The following EPHA3 variants were observed in gnomAD, a reference collection of about 807,000 sequenced individuals.
EPHA3 encodes the protein ephrin type-A receptor 3.
EPHA3 carries 42 observed loss-of-function variants against 107.1 expected under a neutral mutation model. That is an observed-to-expected ratio of 0.39 (90% CI 0.31 to 0.51). The LOEUF is 0.51. Ranked by LOEUF, EPHA3 falls within the 20% of genes least tolerant of loss-of-function variation. The probability of loss-of-function intolerance (pLI) is 0.78; values close to 1 mark genes in which losing one functional copy is unlikely to be tolerated. For synonymous variants in EPHA3, 461 were observed against 424.8 expected, an observed-to-expected ratio of 1.09 and a Z score of -1.05; for missense variants, 1,183 against 1,211.2, an observed-to-expected ratio of 0.98 and a Z score of 0.35.
chr3:89,114,414 C>A (rs960296243), intron 1 of EPHA3, among the ~76,000 whole-genome samples: 3 of 152,136 alleles, frequency 2.0e-5, no homozygotes, highest in Non-Finnish European at 2.9e-5. Flanking sequence ...GGGAAAACAA[C>A]GGTGTCTCTC....
At chr3:89,296,081 T>C (rs532861726) in intron 3 of EPHA3, among the ~76,000 whole-genome samples, 1 of 152,316 alleles carries the variant, frequency 6.6e-6, no homozygotes, top group African/African-American at 2.4e-5. Context: ...TTCCACAACA[T>C]AGGCAGTTAG....
At chr3:89,194,530 C>A (rs1705790871) in intron 2 of EPHA3, among the ~76,000 whole-genome samples, 1 of 152,034 alleles carries the variant, frequency 6.6e-6, no homozygotes, top group Non-Finnish European at 1.5e-5. Context: ...AAAGAAAGTT[C>A]TCCAATCTCC....
Position 89,107,765 on chromosome 3 carries a change from C to T in EPHA3, c.17C>T (p.Ser6Phe), listed in dbSNP as rs764355602. 1.9e-6 allele frequency: 3 copies of T among 1,614,182 alleles called. No individual in the cohort carries two copies. The highest frequency in any genetic ancestry group is 2.5e-6 in the Non-Finnish European group (3 of 1,180,022). MDCQL[S>F]ILLLLSCSVL... The stretch of plus-strand genomic sequence containing the variant: ...ACCAGCAACATGGATTGTCAGCTCT[C>T]CATCCTCCTCCTTCTCAGCTGCTCT... Residue 6 changes from serine (S) to phenylalanine (F), a missense_variant, in exon 1 of 17, where the codon TCC becomes TTC. Coordinates refer to ENST00000336596, the MANE Select transcript of EPHA3 (RefSeq NM_005233.6).
At chr3:89,335,884 C>T (rs1009357044) in intron 3 of EPHA3, among the ~76,000 whole-genome samples, 6 of 152,258 alleles carry the variant, frequency 3.9e-5, no homozygotes, top group Non-Finnish European at 7.4e-5. Context: ...TACTGGATTA[C>T]CTGAGGGAAG....
At chr3:89,439,009 G>A (rs139306307) in intron 13 of EPHA3, among the ~76,000 whole-genome samples, 114 of 152,248 alleles carry the variant, frequency 7.5e-4, no homozygotes, top group Non-Finnish European at 1.4e-3. Flanking sequence ...GAACACAGGA[G>A]CACACAAGTA....
At chr3:89,326,901 A>C (rs1295647085) in intron 3 of EPHA3, among the ~76,000 whole-genome samples, 1 of 152,052 alleles carries the variant, frequency 6.6e-6, no homozygotes, top group Non-Finnish European at 1.5e-5. Flanking sequence ...ATTTAAAGGG[A>C]AATTAGACCT....
At chr3:89,389,020 A>G (rs889793750) in intron 5 of EPHA3, among the ~76,000 whole-genome samples, 2 of 152,220 alleles carry the variant, frequency 1.3e-5, no homozygotes, top group Non-Finnish European at 2.9e-5. Context: ...CTGGAAAAGT[A>G]GAAAAGTGAT....
chr3:89,389,120 C>T (rs994733784), intron 5 of EPHA3, among the ~76,000 whole-genome samples: 10 of 152,082 alleles, frequency 6.6e-5, no homozygotes, highest in African/African-American at 2.4e-4. Context: ...ACTGGATACA[C>T]TGCAAATTGA....
At chr3:89,222,326 C>CATATAT (rs34438291) in intron 3 of EPHA3, among the ~76,000 whole-genome samples, 98 of 138,524 alleles carry the variant, frequency 7.1e-4, no homozygotes, top group Middle Eastern at 3.9e-3. Context: ...AATACATATA[C>CATATAT]ATATATATAT....
At chr3:89,244,024 T>A (rs1285046806) in intron 3 of EPHA3, among the ~76,000 whole-genome samples, 1 of 152,176 alleles carries the variant, frequency 6.6e-6, no homozygotes, top group Non-Finnish European at 1.5e-5. Context: ...TATTTATAAT[T>A]TACAAATATG....
intron 1 of EPHA3, among the ~76,000 whole-genome samples, chr3:89,121,253 A>C (rs1707376692): frequency 6.6e-6 from 1 of 151,906 alleles, no homozygotes; most frequent in East Asian, 1.9e-4. Flanking sequence ...TAAATAAATA[A>C]ATAAATAAAA....
chr3:89,146,765 T>A (rs1234308921), intron 2 of EPHA3, among the ~76,000 whole-genome samples: 1 of 152,044 alleles, frequency 6.6e-6, no homozygotes, highest in African/African-American at 2.4e-5. Flanking sequence ...CTAGGGTTTT[T>A]ATAGTTTTAG....
chr3:89,161,245 C>T lies in EPHA3; in HGVS notation c.153+33972C>T, dbSNP rs182119627. Among the ~76,000 whole-genome samples the T allele has an allele frequency of 4.3e-3, 656 of 152,266 alleles. 2 individuals carry two copies. The highest frequency in any genetic ancestry group is 6.9e-3 in the Non-Finnish European group (470 of 68,014). ...AAGGAAAATGTTTGAATGGGTAACA[C>T]ATTCACATGGTTACAATTTCAAAAA... On this transcript the variant is annotated intron_variant, in intron 2 of 16. Transcript: ENST00000336596.
At chr3:89,157,473 G>A (rs920462786) in intron 2 of EPHA3, among the ~76,000 whole-genome samples, 2 of 151,924 alleles carry the variant, frequency 1.3e-5, no homozygotes, top group Admixed American at 1.3e-4. Flanking sequence ...GATGAAAAAC[G>A]AAGAGGAACA....
intron 5 of EPHA3, among the ~76,000 whole-genome samples, chr3:89,393,725 T>C (rs1159118391): frequency 6.6e-6 from 1 of 152,198 alleles, no homozygotes; most frequent in African/African-American, 2.4e-5. Flanking sequence ...GAAATTTTTT[T>C]ATTAGTGATT....
intron 3 of EPHA3, among the ~76,000 whole-genome samples, chr3:89,328,368 T>C (rs1007639926): frequency 1.3e-5 from 2 of 152,140 alleles, no homozygotes; most frequent in African/African-American, 4.8e-5. Flanking sequence ...CATTCTCTAC[T>C]CCTAATAAAG....
At chr3:89,320,509 A>G (rs1372150942) in intron 3 of EPHA3, among the ~76,000 whole-genome samples, 2 of 152,032 alleles carry the variant, frequency 1.3e-5, no homozygotes, top group Admixed American at 6.6e-5. Flanking sequence ...ATCTTGTGTC[A>G]TCTTCTAATC....
rs1406228653 is a variant in EPHA3, at chr3:89,413,907, T to G, written c.1888+641T>G. Among the ~76,000 whole-genome samples, 5 of 151,788 alleles carry G rather than the reference T, an allele frequency of 3.3e-5. No homozygotes were observed. In the East Asian group the frequency reaches 9.7e-4, roughly 29 times the overall value. ...ATATTTATAAGAAAAATTTCATATA[T>G]TTGTAAAATAACAGTATTTTATATA... On this transcript the variant is annotated intron_variant, in intron 10 of 16. Coordinates refer to ENST00000336596, the MANE Select transcript of EPHA3 (RefSeq NM_005233.6).
intron 3 of EPHA3, among the ~76,000 whole-genome samples, chr3:89,221,658 C>T (rs1704379448): frequency 6.6e-6 from 1 of 152,118 alleles, no homozygotes; most frequent in African/African-American, 2.4e-5. Flanking sequence ...ACCATTTGAT[C>T]CTCACCAAAG....
Sources: gnomAD v4.1 joint callset for allele counts (sites outside exome capture counted in the v4.1 genomes callset) on GRCh38, gnomAD v4.1.1 for gene constraint, MANE v1.5 for transcripts, NCBI Gene and HGNC (gene_info 2026-07-23, HGNC 2026-07-21) for gene names.